RAMP2: variants seen among roughly 807,000 people sequenced by gnomAD.
RAMP2 encodes the protein receptor activity-modifying protein 2.
Under a neutral mutation model 18.2 loss-of-function variants are expected in RAMP2, and 11 were observed. The observed-to-expected ratio is 0.60, with a 90% confidence interval of 0.38 to 1.00. The LOEUF (loss-of-function observed/expected upper bound fraction) is 1.00, where lower values mean the gene tolerates loss of function less well. Among genes scored for constraint, RAMP2 ranks in the 50% least tolerant of loss-of-function variants. The probability of loss-of-function intolerance (pLI) is 0.01; values close to 1 mark genes in which losing one functional copy is unlikely to be tolerated. For missense variants in RAMP2, 191 were observed against 226.5 expected, an observed-to-expected ratio of 0.84 and a Z score of 1.01; for synonymous variants, 86 against 90.8, an observed-to-expected ratio of 0.95 and a Z score of 0.30.
At position 42,762,614 on chromosome 17, in the gene RAMP2, G is replaced by T. The variant is rs753944631; in HGVS notation, c.290G>T (p.Arg97Leu). The T allele has an allele frequency of 2.5e-6, 4 of 1,613,406 alleles. No individual in the cohort carries two copies. The highest frequency in any genetic ancestry group is 3.4e-6 in the Non-Finnish European group (4 of 1,179,492). ...AMISRPYSTLRDCLEHFAELF... is the reference protein window; with the variant it reads ...AMISRPYSTLLDCLEHFAELF... ...GCCCCTAGGCCTTATAGCACCCTGC[G>T]AGATTGCCTGGAGCACTTTGCAGAG... Residue 97 changes from arginine (R) to leucine (L), a missense_variant, in exon 4 of 4, where the codon CGA (arginine) becomes CTA (leucine). Coordinates refer to ENST00000253796, the MANE Select transcript of RAMP2 (RefSeq NM_005854.3).
chr17:42,762,119 A>T (rs1230867647), intron 2 of RAMP2, among the ~76,000 whole-genome samples: 1 of 152,234 alleles, frequency 6.6e-6, no homozygotes, highest in Non-Finnish European at 1.5e-5. Flanking sequence ...AGAAGACCCC[A>T]GGAAAAGGTG....
Position 42,762,608 on chromosome 17 carries a change from C to A in RAMP2, c.284C>A (p.Thr95Asn). 1.2e-6 allele frequency: 2 copies of A among 1,613,254 alleles called. No individual in the cohort carries two copies. The highest frequency in any genetic ancestry group is 2.2e-5 in the South Asian group (2 of 91,046). ...DWAMISRPYS[T>N]LRDCLEHFAE... ...TCTTCTGCCCCTAGGCCTTATAGCACCCTGCGAGATTGCCTGGAGCACTTT... is the reference window on the plus strand; with the variant it reads ...TCTTCTGCCCCTAGGCCTTATAGCAACCTGCGAGATTGCCTGGAGCACTTT... The change falls in exon 4 of 4, where the codon ACC becomes AAC. Residue 95 changes from threonine to asparagine, a missense_variant. By Grantham distance (65) the Thr-to-Asn change is moderately conservative. Transcript: ENST00000253796.
At position 42,762,377 on chromosome 17, in the gene RAMP2, G is replaced by C. The variant is rs1322353418; in HGVS notation, c.186G>C (p.Glu62Asp). 1 of 1,614,116 alleles carries C rather than the reference G, an allele frequency of 6.2e-7. No homozygotes were observed. Residue 62 changes from glutamate to aspartate, a missense_variant, in exon 3 of 4, where the codon GAG (glutamate) becomes GAC (aspartate). Coordinates refer to ENST00000253796, the MANE Select transcript of RAMP2 (RefSeq NM_005854.3). ...CAGGGGGGACGGTGAAGAACTATGA[G>C]ACAGCTGTCCAATTTTGCTGGAATC... is the stretch of plus-strand genomic sequence containing the variant. ...GSEGGTVKNY[E>D]TAVQFCWNHY...
intron 2 of RAMP2, 108 bp downstream of exon 2, chr17:42,762,007 T>C: frequency 7.6e-6 from 8 of 1,047,424 alleles, no homozygotes; most frequent in Non-Finnish European, 1.1e-5. Flanking sequence ...GATGCCCCAC[T>C]ACACTCCCCT....
intron 2 of RAMP2, among the ~76,000 whole-genome samples, chr17:42,762,106 GCGAGAAGACCCC>G (rs1381126985): frequency 6.6e-6 from 1 of 152,202 alleles, no homozygotes; most frequent in Non-Finnish European, 1.5e-5. Flanking sequence ...TCACAAGTGG[GCGAGAAGACCCC>G]AGGAAAAGGT....
In RAMP2 at chr17:42,762,346, T is replaced by C. The variant is rs778731134; in HGVS notation, c.164-9T>C. On this transcript the variant is annotated splice_polypyrimidine_tract_variant and intron_variant, in intron 2 of 3. Transcript: ENST00000253796. The stretch of plus-strand genomic sequence containing the variant: ...GGGTGTGGTCATTGTGTAGCATCTG[T>C]ACCTACAGGGGGGACGGTGAAGAAC... 1 of 1,614,038 alleles carries C rather than the reference T, an allele frequency of 6.2e-7. No homozygotes were observed. The highest frequency in any genetic ancestry group is 8.5e-7 in the Non-Finnish European group (1 of 1,179,960).
rs752483328 is a variant in RAMP2, at chr17:42,762,590, C to T, written c.273-7C>T. 6.2e-6 allele frequency: 10 copies of T among 1,610,058 alleles called. No homozygotes were observed. In the South Asian group the frequency reaches 9.9e-5, roughly 16 times the overall value. ...CCTCTCTCACTCAAGTCCTCTTCTG[C>T]CCCTAGGCCTTATAGCACCCTGCGA... On this transcript the variant is annotated splice_region_variant and splice_polypyrimidine_tract_variant and intron_variant, in intron 3 of 3. Coordinates refer to ENST00000253796, the MANE Select transcript of RAMP2 (RefSeq NM_005854.3).
chr17:42,762,049 C>A, intron 2 of RAMP2, 150 bp downstream of exon 2: 1 of 866,344 alleles, frequency 1.2e-6, no homozygotes. Context: ...CGTGGTCTTT[C>A]TCCCTGTCCT....
chr17:42,762,517 A>G, intron 3 of RAMP2, 54 bp downstream of exon 3: 2 of 1,609,280 alleles, frequency 1.2e-6, no homozygotes, highest in Non-Finnish European at 1.7e-6. Context: ...TGCTCATTGC[A>G]GGTAGACCCT....
Position 42,762,953 on chromosome 17 carries a change from A to C in RAMP2, c.*101A>C. The stretch of plus-strand genomic sequence containing the variant: ...CCCTTTTCTCACTCTCATCCCCACC[A>C]CAGATCCCTGGATTGCTGGGAATGG... On this transcript the variant is annotated 3_prime_UTR_variant, in exon 4 of 4. Transcript: ENST00000253796. 7.7e-7 allele frequency: 1 copy of C among 1,304,908 alleles called. No individual in the cohort carries two copies. Among genetic ancestry groups the C allele is most frequent in the Non-Finnish European group, 1.0e-6 (1 of 963,282 alleles). The allele number at this position is 1,304,908 out of a possible 1,614,324, so 80.8% of individuals were successfully genotyped here.
chr17:42,761,762 C>A lies in RAMP2; in HGVS notation c.98-72C>A. On this transcript the variant is annotated intron_variant, in intron 1 of 3. Transcript: ENST00000253796. This position sits in a 1 kb window ranked among gnomAD's most constrained non-coding sequence, Gnocchi z 4.2. ...GCCTATTTTCGGAGGGTCTCAGTCC[C>A]CCAACCCCCCTCGCAGGCTCCACTG... 1 of 1,350,862 alleles carries A rather than the reference C, an allele frequency of 7.4e-7. No homozygotes were observed. The highest frequency in any genetic ancestry group is 1.1e-6 in the Non-Finnish European group (1 of 946,786). The allele number at this position is 1,350,862 out of a possible 1,614,324, so 83.7% of individuals were successfully genotyped here. A position where few individuals can be genotyped will look rare whatever the true frequency, so the allele number is the denominator to read the frequency against.
Position 42,762,635 on chromosome 17 carries a change from C to T in RAMP2, c.311C>T (p.Ala104Val), listed in dbSNP as rs1278974670. The part of the protein sequence containing the change: ...STLRDCLEHF[A>V]ELFDLGFPNP... ...CTGCGAGATTGCCTGGAGCACTTTG[C>T]AGAGTTGTTTGACCTGGGCTTCCCC... Residue 104 changes from alanine to valine, a missense_variant, in exon 4 of 4, where the codon GCA becomes GTA. Transcript: ENST00000253796. 4 of 1,613,980 alleles carry T rather than the reference C, an allele frequency of 2.5e-6. No homozygotes were observed. Among genetic ancestry groups the T allele is most frequent in the Non-Finnish European group, 3.4e-6 (4 of 1,179,888 alleles).
chr17:42,761,269 C>T lies in RAMP2; in HGVS notation c.8C>T (p.Ser3Leu), dbSNP rs1036872287. The change falls in exon 1 of 4, where the codon TCG becomes TTG. Residue 3 changes from serine (S) to leucine (L), a missense_variant. Physicochemically the swap from Ser to Leu is moderately radical, Grantham distance 145 (BLOSUM62 -2). Transcript: ENST00000253796. This position sits in a 1 kb window ranked among gnomAD's most constrained non-coding sequence, Gnocchi z 4.2. MA[S>L]LRVERAGGPR... ...TCGCCTCCTTGCTGCACGATGGCCT[C>T]GCTCCGGGTGGAGCGCGCCGGCGGC... 5.6e-6 allele frequency: 8 copies of T among 1,434,720 alleles called. No homozygotes were observed. In the African/African-American group the frequency reaches 1.2e-4, roughly 21 times the overall value. 88.9% of individuals were successfully genotyped at this position (1,434,720 alleles called of 1,614,324 possible). A position where few individuals can be genotyped will look rare whatever the true frequency, so the allele number is the denominator to read the frequency against.
chr17:42,762,280 C>T, intron 2 of RAMP2, 75 bp from the exon 3 acceptor site: 1 of 1,602,712 alleles, frequency 6.2e-7, no homozygotes, highest in Non-Finnish European at 8.5e-7. Flanking sequence ...GGCAGTTCAC[C>T]TTGCAAGCAC....
At position 42,762,928 on chromosome 17, in the gene RAMP2, C is replaced by A; in HGVS notation, c.*76C>A. 1.4e-6 allele frequency: 2 copies of A among 1,428,196 alleles called. No homozygotes were observed. Among genetic ancestry groups the A allele is most frequent in the Non-Finnish European group, 1.9e-6 (2 of 1,055,900 alleles). 88.5% of individuals were successfully genotyped at this position (1,428,196 alleles called of 1,614,324 possible). A position where few individuals can be genotyped will look rare whatever the true frequency, so the allele number is the denominator to read the frequency against. ...CAGGCCTCCCTCCTCCCCTCCTACT[C>A]CCTTTTCTCACTCTCATCCCCACCA... On this transcript the variant is annotated 3_prime_UTR_variant, in exon 4 of 4. Transcript: ENST00000253796.
intron 2 of RAMP2, 124 bp downstream of exon 2, chr17:42,762,023 C>A (rs1049376094): frequency 2.0e-6 from 2 of 987,708 alleles, no homozygotes; most frequent in East Asian, 2.6e-5. Context: ...CCCCTCTGTT[C>A]TTTCTTGGGG....
At position 42,762,670 on chromosome 17, in the gene RAMP2, G is replaced by T. The variant is rs746678610; in HGVS notation, c.346G>T (p.Ala116Ser). Residue 116 changes from alanine to serine, a missense_variant, in exon 4 of 4, where the codon GCA becomes TCA. Transcript: ENST00000253796. ...TGACCTGGGCTTCCCCAATCCCTTG[G>T]CAGAGAGGATCATCTTTGAGACTCA... is the stretch of plus-strand genomic sequence containing the variant. ...LFDLGFPNPL[A>S]ERIIFETHQI... The T allele has an allele frequency of 6.2e-7, 1 of 1,614,042 alleles. No individual in the cohort carries two copies. The highest frequency in any genetic ancestry group is 8.5e-7 in the Non-Finnish European group (1 of 1,179,966).
Position 42,761,689 on chromosome 17 carries a change from C to G in RAMP2, c.98-145C>G. 1 of 723,964 alleles carries G rather than the reference C, an allele frequency of 1.4e-6. No individual in the cohort carries two copies. The highest frequency in any genetic ancestry group is 2.4e-6 in the Non-Finnish European group (1 of 425,028). 44.8% of individuals were successfully genotyped at this position (723,964 alleles called of 1,614,324 possible). A position where few individuals can be genotyped will look rare whatever the true frequency, so the allele number is the denominator to read the frequency against. ...GGTGCCAGCCCCTCCCTCCCCGGCACTGAGGCGTCCGTGGGGGCTAGATTA... is the reference window on the plus strand; with the variant it reads ...GGTGCCAGCCCCTCCCTCCCCGGCAGTGAGGCGTCCGTGGGGGCTAGATTA... On this transcript the variant is annotated intron_variant, in intron 1 of 3. Coordinates refer to ENST00000253796, the MANE Select transcript of RAMP2 (RefSeq NM_005854.3). This position sits in a 1 kb window ranked among gnomAD's most constrained non-coding sequence, Gnocchi z 4.2.
In RAMP2 at chr17:42,761,777, A is replaced by C. The variant is rs2054366418; in HGVS notation, c.98-57A>C. ...GTCTCAGTCCCCCAACCCCCCTCGC[A>C]GGCTCCACTGCCGGGGTCCCCGCTA... On this transcript the variant is annotated intron_variant, in intron 1 of 3. Coordinates refer to ENST00000253796, the MANE Select transcript of RAMP2 (RefSeq NM_005854.3). The surrounding 1 kb of genome is among the most constrained non-coding windows in gnomAD (Gnocchi z 4.2). 4.1e-6 allele frequency: 6 copies of C among 1,448,532 alleles called. No individual in the cohort carries two copies. Among genetic ancestry groups the C allele is most frequent in the Non-Finnish European group, 5.8e-6 (6 of 1,031,576 alleles). The allele number at this position is 1,448,532 out of a possible 1,614,324, so 89.7% of individuals were successfully genotyped here.
Sources: gnomAD v4.1 joint callset for allele counts (sites outside exome capture counted in the v4.1 genomes callset) on GRCh38, gnomAD v4.1.1 for gene constraint, Gnocchi (gnomAD v3.1) non-coding constraint, MANE v1.5 for transcripts, NCBI Gene and HGNC (gene_info 2026-07-23, HGNC 2026-07-21) for gene names.